Variants in SNCAIP observed in about 807,000 individuals in gnomAD.
SNCAIP encodes the protein synphilin-1.
Under a neutral mutation model 86.7 loss-of-function variants are expected in SNCAIP, and 43 were observed. The observed-to-expected ratio is 0.50, with a 90% confidence interval of 0.39 to 0.64. SNCAIP has a LOEUF of 0.64. SNCAIP is among the 30% of genes least tolerant of loss of function. SNCAIP has a pLI of 0.00. For missense variants in SNCAIP, 981 were observed against 1,103.1 expected (o/e 0.89, Z 1.57); for synonymous variants, 417 against 427.2 (o/e 0.98, Z 0.29).
In SNCAIP at chr5:122,450,580, A is replaced by G; in HGVS notation, c.1733A>G (p.Asp578Gly). Residue 578 changes from aspartate to glycine, a missense_variant, in exon 10 of 11, where the codon GAT becomes GGT. By Grantham distance (94) the Asp-to-Gly change is moderately conservative (BLOSUM62 -1). Transcript: ENST00000261368. ...AGAAAGTCCCAGTGGAAATCTCCAG[A>G]TGCAGATGATGATTCTGTAGCCAAA... ...ASRKSQWKSP[D>G]ADDDSVAKSK... 6.2e-7 allele frequency: 1 copy of G among 1,614,132 alleles called. No individual in the cohort carries two copies. The highest frequency in any genetic ancestry group is 1.3e-5 in the African/African-American group (1 of 75,034).
intron 1 of SNCAIP, among the ~76,000 whole-genome samples, chr5:122,364,774 C>T (rs185510951): frequency 7.2e-5 from 11 of 151,966 alleles, no homozygotes; most frequent in Non-Finnish European, 1.6e-4. Flanking sequence ...AAAATGTAGA[C>T]AGAACAATGC....
rs138103106 is a variant in SNCAIP, at chr5:122,347,587, A to G, written c.-47+35303A>G. Reference sequence around the variant, plus strand: ...TTGAAAGTCATTGACACTTCCACCTATGAGTAGATACCCTCAATTGGAAAA... The same window carrying G: ...TTGAAAGTCATTGACACTTCCACCTGTGAGTAGATACCCTCAATTGGAAAA... On this transcript the variant is annotated intron_variant, in intron 1 of 10. Transcript: ENST00000261368. Among the ~76,000 whole-genome samples the G allele has an allele frequency of 5.3e-5, 8 of 152,200 alleles. No homozygotes were observed. The South Asian group carries it at 1.0e-3, about 20-fold the overall frequency.
intron 4 of SNCAIP, among the ~76,000 whole-genome samples, chr5:122,424,887 G>C (rs1045955177): frequency 6.6e-6 from 1 of 152,200 alleles, no homozygotes; most frequent in African/African-American, 2.4e-5. Context: ...GAGAGCACTA[G>C]TAGCAGCAGT....
chr5:122,315,817 G>T (rs1751591832), intron 1 of SNCAIP, among the ~76,000 whole-genome samples: 1 of 152,148 alleles, frequency 6.6e-6, no homozygotes, highest in East Asian at 1.9e-4. Context: ...GCTGAGCATT[G>T]TTGAAAGTTG....
At chr5:122,416,257 C>A (rs1775291723) in intron 3 of SNCAIP, among the ~76,000 whole-genome samples, 1 of 152,170 alleles carries the variant, frequency 6.6e-6, no homozygotes, top group Non-Finnish European at 1.5e-5. Flanking sequence ...TCAACGACAG[C>A]TGCTTGATAT....
At chr5:122,369,025 A>ATCG (rs1763737999) in intron 1 of SNCAIP, among the ~76,000 whole-genome samples, 1 of 152,300 alleles carries the variant, frequency 6.6e-6, no homozygotes, top group Admixed American at 6.5e-5. Flanking sequence ...TCAGTGAAGG[A>ATCG]TCGTCTTTGG....
At chr5:122,420,585 A>AT (rs201297890) in intron 3 of SNCAIP, among the ~76,000 whole-genome samples, 13 of 151,368 alleles carry the variant, frequency 8.6e-5, no homozygotes, top group Admixed American at 5.3e-4. Flanking sequence ...GTATATATAT[A>AT]TTTTTTTTTC....
intron 3 of SNCAIP, among the ~76,000 whole-genome samples, chr5:122,405,379 A>G (rs1485154206): frequency 6.6e-6 from 1 of 152,204 alleles, no homozygotes; most frequent in Admixed American, 6.5e-5. Flanking sequence ...AGAGAAGAAA[A>G]AATAGCAAAT....
intron 1 of SNCAIP, among the ~76,000 whole-genome samples, chr5:122,319,648 T>C (rs1419600755): frequency 6.6e-6 from 1 of 152,214 alleles, no homozygotes; most frequent in Non-Finnish European, 1.5e-5. Context: ...ATCCATTGAA[T>C]CTCGTCTGTG....
In SNCAIP at chr5:122,463,666, A is replaced by G. The variant is rs886059827; in HGVS notation, c.*170A>G. The G allele has an allele frequency of 1.6e-6, 1 of 641,116 alleles. No individual in the cohort carries two copies. Among genetic ancestry groups the G allele is most frequent in the Non-Finnish European group, 2.7e-6 (1 of 368,424 alleles). The allele number at this position is 641,116 out of a possible 1,614,324, so 39.7% of individuals were successfully genotyped here. A position where few individuals can be genotyped will look rare whatever the true frequency, so the allele number is the denominator to read the frequency against. On this transcript the variant is annotated 3_prime_UTR_variant, in exon 11 of 11. Coordinates refer to ENST00000261368, the MANE Select transcript of SNCAIP (RefSeq NM_005460.4). ...CTTTGGAAAGAGAACCATGAAAACA[A>G]TGCCTCACCAGCAGAAGAACAGAAT... is the stretch of plus-strand genomic sequence containing the variant.
chr5:122,364,887 T>C (rs1293094146), intron 1 of SNCAIP, among the ~76,000 whole-genome samples: 1 of 152,222 alleles, frequency 6.6e-6, no homozygotes, highest in Non-Finnish European at 1.5e-5. Flanking sequence ...TGTAGACCTA[T>C]ACAATTGTGA....
intron 2 of SNCAIP, among the ~76,000 whole-genome samples, chr5:122,400,147 A>G (rs936873739): frequency 7.5e-6 from 1 of 133,080 alleles, no homozygotes; most frequent in East Asian, 2.2e-4. Flanking sequence ...AGGCAAAACA[A>G]TGGGTATGGC....
Position 122,322,667 on chromosome 5 carries a change from A to C in SNCAIP, c.-47+10383A>C, listed in dbSNP as rs183188675. On this transcript the variant is annotated intron_variant, in intron 1 of 10. Coordinates refer to ENST00000261368, the MANE Select transcript of SNCAIP (RefSeq NM_005460.4). ...ATGAATGAAGTCTAGAAAATGTTTTAAACAATTCCTCAAAAAAGATATTTG... is the reference window on the plus strand; with the variant it reads ...ATGAATGAAGTCTAGAAAATGTTTTCAACAATTCCTCAAAAAAGATATTTG... Among the ~76,000 whole-genome samples, 443 of 152,356 alleles carry C rather than the reference A, an allele frequency of 2.9e-3. 4 individuals are homozygous for C. Among genetic ancestry groups the C allele is most frequent in the African/African-American group, 0.01 (427 of 41,586 alleles).
chr5:122,398,848 G>A (rs1227938385), intron 2 of SNCAIP, among the ~76,000 whole-genome samples: 2 of 152,126 alleles, frequency 1.3e-5, no homozygotes, highest in African/African-American at 4.8e-5. Flanking sequence ...GATCCCCGTA[G>A]CCCAACGTAG....
chr5:122,363,661 A>G (rs181376665), intron 1 of SNCAIP, among the ~76,000 whole-genome samples: 1 of 148,848 alleles, frequency 6.7e-6, no homozygotes, highest in East Asian at 2.0e-4. Flanking sequence ...CACCTAGAAC[A>G]GTGCTAGACA....
At chr5:122,437,225 C>T (rs1335624738) in intron 6 of SNCAIP, 1 of 152,166 alleles carries the variant, frequency 6.6e-6, no homozygotes, top group Non-Finnish European at 1.5e-5. Context: ...CAAGTGCCCT[C>T]TTGGCTGAAG....
chr5:122,444,506 T>C, intron 7 of SNCAIP, 57 bp from the exon 8 acceptor site: 1 of 1,509,092 alleles, frequency 6.6e-7, no homozygotes, highest in South Asian at 1.1e-5. Context: ...GTTACAGTCA[T>C]TAAAAAATAA....
chr5:122,320,740 C>A (rs942471692), intron 1 of SNCAIP, among the ~76,000 whole-genome samples: 4 of 152,164 alleles, frequency 2.6e-5, no homozygotes, highest in African/African-American at 9.7e-5. Flanking sequence ...CAACAGTGAC[C>A]AAATGACTTA....
At chr5:122,321,167 C>T (rs1312362895) in intron 1 of SNCAIP, 1 of 152,192 alleles carries the variant, frequency 6.6e-6, no homozygotes, top group Non-Finnish European at 1.5e-5. Context: ...TAAAAGGGAA[C>T]AGGTGACATC....
Sources: gnomAD v4.1 joint callset for allele counts (sites outside exome capture counted in the v4.1 genomes callset) on GRCh38, gnomAD v4.1.1 for gene constraint, MANE v1.5 for transcripts, NCBI Gene and HGNC (gene_info 2026-07-23, HGNC 2026-07-21) for gene names.